The following LRRC69 variants were observed in gnomAD, a reference collection of about 807,000 sequenced individuals.
The protein encoded by LRRC69 is leucine rich repeat containing 69.
Under a neutral mutation model 37.8 loss-of-function variants are expected in LRRC69, and 42 were observed. That is an observed-to-expected ratio of 1.11 (90% CI 0.87 to 1.44). The LOEUF (loss-of-function observed/expected upper bound fraction) is 1.44. Ranked by LOEUF, LRRC69 falls within the 40% of genes most tolerant of loss-of-function variation. The pLI, the probability that LRRC69 is intolerant of heterozygous loss-of-function variation, is 0.00. For synonymous variants in LRRC69, 141 were observed against 143.1 expected (o/e 0.99, Z 0.11); for missense variants, 357 against 401.9 (o/e 0.89, Z 0.96).
chr8:91,127,079 T>C lies in LRRC69; in HGVS notation c.311-9T>C, dbSNP rs1027542659. The C allele has an allele frequency of 2.6e-6, 4 of 1,543,190 alleles. No individual in the cohort carries two copies. The African/African-American group carries it at 5.5e-5, about 21-fold the overall frequency. On this transcript the variant is annotated splice_polypyrimidine_tract_variant and intron_variant, in intron 2 of 7. Coordinates refer to ENST00000448384, the Ensembl canonical transcript of LRRC69. Reference sequence around the variant, plus strand: ...GATGGCTAAAGTGACTAAAATTATTTTCTAACAGATGGCTTACAAAATTTA... The same window carrying C: ...GATGGCTAAAGTGACTAAAATTATTCTCTAACAGATGGCTTACAAAATTTA...
intron 5 of LRRC69, among the ~76,000 whole-genome samples, chr8:91,155,754 G>A (rs184916218): frequency 6.6e-5 from 10 of 150,510 alleles, no homozygotes; most frequent in Middle Eastern, 6.9e-3. Flanking sequence ...TTCTGTGCCT[G>A]ACTTATTTTA....
At chr8:91,157,836 T>C in intron 5 of LRRC69, 1 of 1,606,330 alleles carries the variant, frequency 6.2e-7, no homozygotes, top group African/African-American at 1.3e-5. Flanking sequence ...GAAAAGGAGC[T>C]GCATCATTTA....
rs374699365 is a variant in LRRC69, at chr8:91,218,922, G to A, written c.966G>A (p.Val322=). 3.9e-4 allele frequency: 611 copies of A among 1,550,376 alleles called. 1 individual carries two copies. Among genetic ancestry groups the A allele is most frequent in the Admixed American group, 1.4e-3 (73 of 50,906 alleles). ...AGATAAGCAAGAATCTGAAGCTGGT[G>A]CCTCTCCAAGTATTAATTTGTTCTT... Residue 322 remains valine, a synonymous_variant, in exon 8 of 8, where the codon GTG becomes GTA. Transcript: ENST00000448384.
chr8:91,173,187 G>T (rs1179209816), intron 5 of LRRC69, among the ~76,000 whole-genome samples: 1 of 151,986 alleles, frequency 6.6e-6, no homozygotes, highest in Non-Finnish European at 1.5e-5. Flanking sequence ...AGGTAGTCTA[G>T]TCCACAGAGC....
At chr8:91,173,103 C>G (rs894029624) in intron 5 of LRRC69, among the ~76,000 whole-genome samples, 1 of 152,028 alleles carries the variant, frequency 6.6e-6, no homozygotes, top group East Asian at 1.9e-4. Context: ...CATCTCCTAA[C>G]TAGGCTATAG....
rs569661840 is a variant in LRRC69 at position 91,146,879 on chromosome 8, G to A, written c.651+11140G>A. Among the ~76,000 whole-genome samples, 45 of 151,830 alleles carry A rather than the reference G, an allele frequency of 3.0e-4. No individual in the cohort carries two copies. The South Asian group carries it at 9.3e-3, about 32-fold the overall frequency. On this transcript the variant is annotated intron_variant, in intron 5 of 7. Transcript: ENST00000448384. ...TATTTTTGGTTGTGAAAACTGAGGAGTGATACTGCTGGCATCTAGTGAGTA... is the reference window on the plus strand; with the variant it reads ...TATTTTTGGTTGTGAAAACTGAGGAATGATACTGCTGGCATCTAGTGAGTA...
At chr8:91,173,761 A>G (rs1809174036) in intron 5 of LRRC69, among the ~76,000 whole-genome samples, 1 of 152,126 alleles carries the variant, frequency 6.6e-6, no homozygotes, top group Non-Finnish European at 1.5e-5. Context: ...CCTTCTAGCT[A>G]TGTCCTTATG....
At chr8:91,205,761 C>CA (rs1418967384) in intron 7 of LRRC69, among the ~76,000 whole-genome samples, 1 of 151,938 alleles carries the variant, frequency 6.6e-6, no homozygotes, top group Non-Finnish European at 1.5e-5. Context: ...GTGCTTAAGA[C>CA]AAAAAAATAA....
At chr8:91,202,141 G>A (rs891442150) in intron 7 of LRRC69, among the ~76,000 whole-genome samples, 37 of 152,156 alleles carry the variant, frequency 2.4e-4, no homozygotes, top group African/African-American at 7.7e-4. Context: ...GGGAGGCAGA[G>A]GTTGTAGTTA....
At chr8:91,151,645 T>G (rs1198886075) in intron 5 of LRRC69, among the ~76,000 whole-genome samples, 1 of 151,728 alleles carries the variant, frequency 6.6e-6, no homozygotes, top group African/African-American at 2.4e-5. Flanking sequence ...TTATATCCCT[T>G]TGGGTATTAT....
intron 5 of LRRC69, among the ~76,000 whole-genome samples, chr8:91,145,792 T>C (rs2130536401): frequency 6.6e-6 from 1 of 152,008 alleles, no homozygotes; most frequent in East Asian, 1.9e-4. Context: ...TATTTTCTGC[T>C]GTTTCTTATA....
At chr8:91,142,646 T>G (rs1586242492) in intron 5 of LRRC69, among the ~76,000 whole-genome samples, 1 of 151,970 alleles carries the variant, frequency 6.6e-6, no homozygotes, top group Non-Finnish European at 1.5e-5. Context: ...ATCCCACAGG[T>G]TTGCATTTCT....
chr8:91,131,606 A>T (rs971118421), intron 3 of LRRC69, among the ~76,000 whole-genome samples: 6 of 151,866 alleles, frequency 4.0e-5, no homozygotes, highest in Admixed American at 2.0e-4. Flanking sequence ...TAACTATTTC[A>T]TGAAGGTTTT....
At chr8:91,110,035 A>G (rs539169506) in intron 1 of LRRC69, among the ~76,000 whole-genome samples, 1 of 152,032 alleles carries the variant, frequency 6.6e-6, no homozygotes, top group African/African-American at 2.4e-5. Flanking sequence ...GGCCATACAT[A>G]TGCTAATTCA....
At chr8:91,117,505 G>C (rs920529661) in intron 1 of LRRC69, among the ~76,000 whole-genome samples, 1 of 147,568 alleles carries the variant, frequency 6.8e-6, no homozygotes, top group Non-Finnish European at 1.5e-5. Context: ...TTTATACTTT[G>C]AATTTAGAGT....
chr8:91,200,642 G>C (rs1321434787), exon 7 of LRRC69: 2 of 1,458,364 alleles, frequency 1.4e-6, no homozygotes, highest in Non-Finnish European at 1.8e-6. Flanking sequence ...TAATGAATCA[G>C]CTAGCAGAAA....
chr8:91,197,361 G>T (rs1444478880), intron 6 of LRRC69, among the ~76,000 whole-genome samples: 1 of 152,202 alleles, frequency 6.6e-6, no homozygotes, highest in Admixed American at 6.5e-5. Flanking sequence ...GAGCTGTGGT[G>T]GGCTCCACCC....
At chr8:91,146,249 G>C (rs1215983908) in intron 5 of LRRC69, among the ~76,000 whole-genome samples, 1 of 151,640 alleles carries the variant, frequency 6.6e-6, no homozygotes, top group Admixed American at 6.6e-5. Flanking sequence ...AGATAAAGGG[G>C]ATGCCTTGCT....
chr8:91,159,819 A>C (rs1324893588), intron 5 of LRRC69, among the ~76,000 whole-genome samples: 1 of 151,178 alleles, frequency 6.6e-6, no homozygotes, highest in African/African-American at 2.4e-5. Context: ...AAGAAGATAA[A>C]ATTCTGGACC....
Sources: allele counts gnomAD v4.1 joint callset (sites outside exome capture counted in the v4.1 genomes callset), GRCh38; gene constraint gnomAD v4.1.1; transcripts MANE v1.5; gene names NCBI Gene and HGNC (gene_info 2026-07-23, HGNC 2026-07-21).